The following LDLRAD4 variants were observed in gnomAD, a reference collection of about 807,000 sequenced individuals.
The protein encoded by LDLRAD4 is low-density lipoprotein receptor class A domain-containing protein 4.
In LDLRAD4, 5 loss-of-function variants were observed where a neutral mutation model predicts 17.0. The observed-to-expected ratio is 0.29, with a 90% CI of 0.15 to 0.62. LDLRAD4 has a LOEUF of 0.62. LDLRAD4 is among the 20% of genes least tolerant of loss of function. The pLI is 0.84. For synonymous variants in LDLRAD4, 168 were observed against 171.8 expected (o/e 0.98, Z 0.17); for missense variants, 340 against 424.7 (o/e 0.80, Z 1.75).
At chr18:13,389,470 C>T (rs2086099192) in intron 2 of LDLRAD4, among the ~76,000 whole-genome samples, 1 of 152,162 alleles carries the variant, frequency 6.6e-6, no homozygotes, top group South Asian at 2.1e-4. Flanking sequence ...CAGGAGGCAG[C>T]TGGGGAGGAG....
intron 1 of LDLRAD4, among the ~76,000 whole-genome samples, chr18:13,335,045 CTTA>C (rs1315462477): frequency 3.9e-5 from 6 of 151,988 alleles, no homozygotes; most frequent in Non-Finnish European, 5.9e-5. Context: ...CATTATGTGA[CTTA>C]TTATGCTTTC....
chr18:13,580,043 C>T (rs568259080), intron 3 of LDLRAD4, among the ~76,000 whole-genome samples: 22 of 152,310 alleles, frequency 1.4e-4, no homozygotes, highest in African/African-American at 4.6e-4. Flanking sequence ...GCATTATTAA[C>T]GTGATGCTTT....
chr18:13,368,365 C>CA (rs1555662261), intron 1 of LDLRAD4, among the ~76,000 whole-genome samples: 3 of 152,102 alleles, frequency 2.0e-5, no homozygotes, highest in Non-Finnish European at 4.4e-5. Flanking sequence ...CAGGCGTGGG[C>CA]TCAGCACTGT....
intron 3 of LDLRAD4, among the ~76,000 whole-genome samples, chr18:13,594,665 CAAA>C (rs56035558): frequency 0.034 from 1,013 of 29,526 alleles, 8 homozygotes; most frequent in South Asian, 0.089. Flanking sequence ...GATTCCATCT[CAAA>C]AAAAAAAAAA....
chr18:13,383,249 G>T (rs974556553), intron 1 of LDLRAD4, among the ~76,000 whole-genome samples: 1 of 152,196 alleles, frequency 6.6e-6, no homozygotes, highest in African/African-American at 2.4e-5. Flanking sequence ...CAGGAAATAC[G>T]TATTTACTGG....
At chr18:13,423,428 GGT>G (rs2089659773) in intron 2 of LDLRAD4, 2 of 152,170 alleles carry the variant, frequency 1.3e-5, no homozygotes, top group African/African-American at 4.8e-5. Context: ...GGGAGGCAGA[GGT>G]TGCAGTAAAC....
chr18:13,342,421 T>G (rs2082420258), intron 1 of LDLRAD4, among the ~76,000 whole-genome samples: 1 of 151,426 alleles, frequency 6.6e-6, no homozygotes, highest in African/African-American at 2.4e-5. Context: ...TAGTTAAGGT[T>G]TATTTGGATG....
chr18:13,639,999 G>A (rs1342357763), intron 4 of LDLRAD4, among the ~76,000 whole-genome samples: 1 of 152,128 alleles, frequency 6.6e-6, no homozygotes. Flanking sequence ...CTTAAAGAAA[G>A]AAACTGGCAA....
intron 3 of LDLRAD4, among the ~76,000 whole-genome samples, chr18:13,582,133 A>C (rs1343037258): frequency 2.0e-5 from 3 of 152,098 alleles, no homozygotes; most frequent in Non-Finnish European, 4.4e-5. Context: ...AATATTTTCT[A>C]CTAAAATGGG....
intron 1 of LDLRAD4, among the ~76,000 whole-genome samples, chr18:13,351,479 G>A (rs553599903): frequency 3.9e-5 from 6 of 152,218 alleles, no homozygotes; most frequent in Admixed American, 3.9e-4. Flanking sequence ...CATTGATTTT[G>A]TATCCTGAGA....
intron 2 of LDLRAD4, among the ~76,000 whole-genome samples, chr18:13,435,834 T>G (rs1024035119): frequency 2.0e-5 from 3 of 152,232 alleles, no homozygotes; most frequent in African/African-American, 7.2e-5. Flanking sequence ...TGTTAGTGTT[T>G]CCTGAGTAAG....
chr18:13,446,123 G>A (rs1271361064), intron 3 of LDLRAD4, among the ~76,000 whole-genome samples: 2 of 152,148 alleles, frequency 1.3e-5, no homozygotes, highest in East Asian at 1.9e-4. Flanking sequence ...GGGAGCTGCT[G>A]TTTGCCGAGT....
intron 3 of LDLRAD4, among the ~76,000 whole-genome samples, chr18:13,527,291 T>G (rs2094048162): frequency 6.6e-6 from 1 of 152,252 alleles, no homozygotes; most frequent in African/African-American, 2.4e-5. Flanking sequence ...GAAGATGTCT[T>G]AATATTGCTG....
At chr18:13,294,263 T>C (rs1573507) in intron 1 of LDLRAD4, among the ~76,000 whole-genome samples, 26,859 of 152,254 alleles carry the variant, frequency 0.18, 2,874 homozygotes, top group Middle Eastern at 0.31. Flanking sequence ...ATGAAAGGGC[T>C]GAAGGTGGTC....
At chr18:13,313,028 G>A (rs1029848542) in intron 1 of LDLRAD4, among the ~76,000 whole-genome samples, 11 of 152,134 alleles carry the variant, frequency 7.2e-5, no homozygotes, top group African/African-American at 2.2e-4. Context: ...CACTGACTTC[G>A]TTAAGGGGAG....
chr18:13,464,270 A>G (rs1390531605), intron 3 of LDLRAD4, among the ~76,000 whole-genome samples: 1 of 152,240 alleles, frequency 6.6e-6, no homozygotes, highest in Non-Finnish European at 1.5e-5. Context: ...ATAAAATGAA[A>G]CGATGGCTAA....
At chr18:13,494,888 C>T (rs761456645) in intron 3 of LDLRAD4, among the ~76,000 whole-genome samples, 18 of 148,866 alleles carry the variant, frequency 1.2e-4, no homozygotes, top group South Asian at 2.1e-4. Flanking sequence ...CCTTCAAGGC[C>T]GCTTTTTCCT....
Position 13,281,676 on chromosome 18 carries a change from G to A in LDLRAD4, c.-383+3488G>A, listed in dbSNP as rs371212785. The stretch of plus-strand genomic sequence containing the variant: ...GGATCCTGGGAGGGATCCCAGGTTT[G>A]GGGGTTCTATTCAGGGGTCTCCCTT... On this transcript the variant is annotated intron_variant, in intron 1 of 5. Transcript: ENST00000359446. Among the ~76,000 whole-genome samples, 1,016 of 152,214 alleles carry A rather than the reference G, an allele frequency of 6.7e-3. 6 individuals carry two copies. Among genetic ancestry groups the A allele is most frequent in the South Asian group, 0.029 (139 of 4,816 alleles).
intron 1 of LDLRAD4, among the ~76,000 whole-genome samples, chr18:13,229,036 G>A (rs979060142): frequency 3.9e-5 from 6 of 152,270 alleles, no homozygotes; most frequent in Non-Finnish European, 7.4e-5. Flanking sequence ...TTTATAGCTG[G>A]GGCACATTTA....
Sources: allele counts gnomAD v4.1 joint callset (sites outside exome capture counted in the v4.1 genomes callset), GRCh38; gene constraint gnomAD v4.1.1; transcripts MANE v1.5; gene names NCBI Gene and HGNC (gene_info 2026-07-23, HGNC 2026-07-21).